Variants in DAO observed in about 807,000 individuals in gnomAD.
DAO encodes the protein D-amino acid oxidase, also known as D-amino-acid oxidase.
DAO carries 51 observed loss-of-function variants against 50.1 expected under a neutral mutation model. The ratio of observed to expected loss-of-function variants is 1.02; its 90% CI spans 0.81 to 1.29. DAO has a LOEUF of 1.29. Ranked by LOEUF, DAO falls within the 50% of genes most tolerant of loss-of-function variation. The pLI, the probability that DAO is intolerant of heterozygous loss-of-function variation, is 0.00. For missense variants in DAO, 436 were observed against 439.4 expected (o/e 0.99, Z 0.07); for synonymous variants, 160 against 166.2 (o/e 0.96, Z 0.29).
chr12:108,900,309 C>T lies in DAO; in HGVS notation c.913-95C>T, dbSNP rs554324911. The T allele has an allele frequency of 1.8e-5, 28 of 1,521,848 alleles. 1 individual carries two copies. The African/African-American group carries it at 2.6e-4, about 14-fold the overall frequency. The allele number at this position is 1,521,848 out of a possible 1,614,324, so 94.3% of individuals were successfully genotyped here. ...GCATCTGGCTTTGCCCAGGACTCTT[C>T]GGGAGGCTCCTGAGTCTTCCAGGGC... On this transcript the variant is annotated intron_variant, in intron 10 of 10. Coordinates refer to ENST00000228476, the MANE Select transcript of DAO (RefSeq NM_001917.5).
intron 10 of DAO, chr12:108,900,164 G>A: frequency 2.1e-6 from 1 of 487,550 alleles, no homozygotes; most frequent in Non-Finnish European, 3.8e-6. Context: ...GCTGGGATGT[G>A]ATTTGAATTT....
rs1456484689 is a variant in DAO at position 108,895,300 on chromosome 12, T to TGTGTGTGTGC, written c.612+933_612+934insGTGTGTGTGC. Among the ~76,000 whole-genome samples, 85 of 150,594 alleles carry TGTGTGTGTGC rather than the reference T, an allele frequency of 5.6e-4. 1 individual carries two copies. The highest frequency in any genetic ancestry group is 3.5e-3 in the Middle Eastern group (1 of 288). On this transcript the variant is annotated intron_variant, in intron 7 of 10. Transcript: ENST00000228476. ...GTGTGTATGTAAGGGTATGTGTGCA[T>TGTGTGTGTGC]ATGTGTGTGTGCATGTGTGAGGGTG...
chr12:108,888,609 C>T (rs1017704148), intron 3 of DAO, among the ~76,000 whole-genome samples: 1 of 152,174 alleles, frequency 6.6e-6, no homozygotes, highest in Non-Finnish European at 1.5e-5. Flanking sequence ...GCTGGGATTA[C>T]AGGCGTGAAC....
intron 7 of DAO, among the ~76,000 whole-genome samples, chr12:108,895,301 ATG>A (rs1176716469): frequency 2.7e-5 from 4 of 148,848 alleles, no homozygotes; most frequent in Non-Finnish European, 3.0e-5. Context: ...ATGTGTGCAT[ATG>A]TGTGTGTGCA....
In DAO at chr12:108,894,350, C is replaced by T. The variant is rs139166976; in HGVS notation, c.595C>T (p.Arg199Trp). The T allele has an allele frequency of 3.9e-4, 622 of 1,613,446 alleles. 2 individuals carry two copies. Among genetic ancestry groups the T allele is most frequent in the Non-Finnish European group, 4.0e-4 (477 of 1,179,692 alleles). ...LQRDPLLQPG[R>W]GQIMKVDAPW... ...ACGAGACCCCCTGCTGCAGCCAGGC[C>T]GGGGGCAGATCATGAAGGTGAGTGT... The change falls in exon 7 of 11, where the codon CGG becomes TGG. Residue 199 changes from arginine (R) to tryptophan (W), a missense_variant. Physicochemically the swap from Arg to Trp is moderately radical, Grantham distance 101. Transcript: ENST00000228476.
intron 3 of DAO, among the ~76,000 whole-genome samples, chr12:108,887,892 A>G (rs1593159907): frequency 6.6e-6 from 1 of 152,200 alleles, no homozygotes; most frequent in Admixed American, 6.5e-5. Flanking sequence ...AGTGCCCCTG[A>G]AGGTCCCAAG....
chr12:108,892,457 C>T (rs561801343), intron 5 of DAO, among the ~76,000 whole-genome samples: 36 of 152,200 alleles, frequency 2.4e-4, no homozygotes, highest in Non-Finnish European at 4.4e-4. Flanking sequence ...TGAGCCACCG[C>T]GCCTCGCTGT....
chr12:108,897,090 T>C lies in DAO; in HGVS notation c.695+2T>C, dbSNP rs758676423. On this transcript the variant is annotated splice_donor_variant, in intron 8 of 10. Coordinates refer to ENST00000228476, the MANE Select transcript of DAO (RefSeq NM_001917.5). LOFTEE classifies it high-confidence loss of function. ...CAATTCCCCGTACATCATCCCAGGGTAAAATTGGACTGTTCTCGGGCAGAA... is the reference window on the plus strand; with the variant it reads ...CAATTCCCCGTACATCATCCCAGGGCAAAATTGGACTGTTCTCGGGCAGAA... 6.2e-7 allele frequency: 1 copy of C among 1,611,002 alleles called. No individual in the cohort carries two copies. The highest frequency in any genetic ancestry group is 2.2e-5 in the East Asian group (1 of 44,870).
intron 1 of DAO, among the ~76,000 whole-genome samples, chr12:108,882,513 C>A (rs867049898): frequency 6.6e-6 from 1 of 151,422 alleles, no homozygotes; most frequent in Non-Finnish European, 1.5e-5. Flanking sequence ...AACTCTGTCT[C>A]GAAAAAATAA....
rs2039423312 is a variant in DAO, at chr12:108,885,216, A to G, written c.194+16A>G. 4 of 1,609,298 alleles carry G rather than the reference A, an allele frequency of 2.5e-6. No individual in the cohort carries two copies. The highest frequency in any genetic ancestry group is 1.3e-5 in the African/African-American group (1 of 74,910). ...CACAGGAGGCGTGAGTGAGGGTCAC[A>G]TAGGGTAGCCTGGGGTGCCCATGGA... On this transcript the variant is annotated intron_variant, in intron 2 of 10. Coordinates refer to ENST00000228476, the MANE Select transcript of DAO (RefSeq NM_001917.5).
At chr12:108,900,262 G>C (rs1044257945) in intron 10 of DAO, 142 bp from the exon 11 acceptor site, 30 of 1,036,922 alleles carry the variant, frequency 2.9e-5, no homozygotes, top group Non-Finnish European at 4.1e-5. Flanking sequence ...ATTCCACCCC[G>C]GTGCCAAGAG....
intron 6 of DAO, 128 bp from the exon 7 acceptor site, chr12:108,894,135 T>C (rs1184831718): frequency 6.9e-6 from 5 of 729,710 alleles, no homozygotes; most frequent in Admixed American, 6.5e-5. Flanking sequence ...TGATTCCTCA[T>C]TGAGACCTCT....
chr12:108,886,738 T>C (rs2039439685), intron 2 of DAO, among the ~76,000 whole-genome samples: 2 of 152,204 alleles, frequency 1.3e-5, no homozygotes, highest in African/African-American at 2.4e-5. Context: ...AGAGCTGGGA[T>C]TATAGGCATG....
intron 7 of DAO, among the ~76,000 whole-genome samples, chr12:108,895,529 C>T (rs1284193577): frequency 1.8e-5 from 2 of 110,006 alleles, no homozygotes; most frequent in Non-Finnish European, 3.4e-5. Context: ...GCATGCACAC[C>T]ATGTGAGGGT....
At chr12:108,895,569 TGCGC>T (rs2039543574) in intron 7 of DAO, among the ~76,000 whole-genome samples, 1 of 149,680 alleles carries the variant, frequency 6.7e-6, no homozygotes. Context: ...TGAAGGTGTG[TGCGC>T]ATGTGAGAGT....
At chr12:108,896,219 C>T (rs28868909) in intron 7 of DAO, among the ~76,000 whole-genome samples, 28,875 of 151,120 alleles carry the variant, frequency 0.19, 3,611 homozygotes, top group East Asian at 0.48. Flanking sequence ...GTCAGGAGTT[C>T]GAGACCAGCC....
intron 6 of DAO, among the ~76,000 whole-genome samples, chr12:108,893,933 T>C (rs2039518344): frequency 6.6e-6 from 1 of 152,130 alleles, no homozygotes; most frequent in African/African-American, 2.4e-5. Context: ...TCCAGGAAGA[T>C]TTCCCCCATC....
intron 1 of DAO, among the ~76,000 whole-genome samples, chr12:108,881,372 A>G (rs2039376531): frequency 6.6e-6 from 1 of 151,822 alleles, no homozygotes; most frequent in East Asian, 1.9e-4. Flanking sequence ...AAAGCTCATT[A>G]CCTACACGCA....
At chr12:108,897,815 T>G (rs985577125) in intron 8 of DAO, among the ~76,000 whole-genome samples, 34 of 151,836 alleles carry the variant, frequency 2.2e-4, no homozygotes, top group African/African-American at 7.7e-4. Flanking sequence ...GGCGTGATGG[T>G]GTATGCCTAT....
Sources: gnomAD v4.1 joint callset for allele counts (sites outside exome capture counted in the v4.1 genomes callset) on GRCh38, gnomAD v4.1.1 for gene constraint, MANE v1.5 for transcripts, NCBI Gene and HGNC (gene_info 2026-07-23, HGNC 2026-07-21) for gene names.